The following COL25A1 variants were observed in gnomAD, a reference collection of about 807,000 sequenced individuals.
COL25A1 encodes collagen alpha-1(XXV) chain.
In COL25A1, 103 loss-of-function variants were observed where a neutral mutation model predicts 128.4. The ratio of observed to expected loss-of-function variants is 0.80; its 90% CI spans 0.68 to 0.94. The LOEUF is 0.94. COL25A1 is among the 40% of genes least tolerant of loss of function. The probability of loss-of-function intolerance (pLI) is 0.00; values close to 1 mark genes in which losing one functional copy is unlikely to be tolerated. For missense variants in COL25A1, 745 were observed against 840.0 expected (o/e 0.89, Z 1.40); for synonymous variants, 279 against 277.2 (o/e 1.01, Z -0.06).
chr4:108,995,568 T>A (rs1754685973), intron 6 of COL25A1, among the ~76,000 whole-genome samples: 1 of 152,034 alleles, frequency 6.6e-6, no homozygotes, highest in Admixed American at 6.6e-5. Flanking sequence ...CAGGAGAACC[T>A]CCCCAACCTA....
chr4:108,839,039 A>T (rs1734122313), intron 31 of COL25A1, among the ~76,000 whole-genome samples: 1 of 151,986 alleles, frequency 6.6e-6, no homozygotes, highest in Non-Finnish European at 1.5e-5. Flanking sequence ...ATGATTTCAG[A>T]CACAAATACC....
intron 3 of COL25A1, among the ~76,000 whole-genome samples, chr4:109,240,123 T>C (rs902345814): frequency 6.6e-6 from 1 of 152,100 alleles, no homozygotes; most frequent in Non-Finnish European, 1.5e-5. Context: ...TTTTTTTTAA[T>C]AAGTAGGGGA....
At chr4:109,013,715 T>C (rs1034951339) in intron 5 of COL25A1, among the ~76,000 whole-genome samples, 3 of 151,480 alleles carry the variant, frequency 2.0e-5, no homozygotes, top group Admixed American at 6.6e-5. Context: ...ACCGGGAAGG[T>C]CTGCAGCTTC....
At chr4:109,023,303 C>G (rs937021193) in intron 5 of COL25A1, among the ~76,000 whole-genome samples, 3 of 152,168 alleles carry the variant, frequency 2.0e-5, no homozygotes, top group African/African-American at 7.2e-5. Context: ...CTAAATCTGG[C>G]TGCATTCTAA....
intron 3 of COL25A1, among the ~76,000 whole-genome samples, chr4:109,088,729 G>A (rs558907384): frequency 4.8e-4 from 73 of 152,146 alleles, no homozygotes; most frequent in Non-Finnish European, 3.8e-4. Context: ...ATTTACATTC[G>A]AATAGAAGAC....
chr4:108,943,166 A>C (rs1051104337), intron 8 of COL25A1, among the ~76,000 whole-genome samples: 1 of 152,188 alleles, frequency 6.6e-6, no homozygotes, highest in Admixed American at 6.5e-5. Context: ...AGTTTGCTAC[A>C]CGAAGCATTT....
intron 3 of COL25A1, among the ~76,000 whole-genome samples, chr4:109,054,137 T>C (rs1229930462): frequency 1.3e-5 from 2 of 152,246 alleles, no homozygotes; most frequent in Non-Finnish European, 2.9e-5. Flanking sequence ...TATTTTCTTT[T>C]TAGTCCATTG....
chr4:109,046,730 C>T (rs1027800735), intron 5 of COL25A1, among the ~76,000 whole-genome samples: 5 of 152,194 alleles, frequency 3.3e-5, no homozygotes, highest in African/African-American at 7.2e-5. Context: ...TGGAGGCCAA[C>T]GTTTCCTCTG....
chr4:109,128,569 C>T (rs1235072120), intron 3 of COL25A1, among the ~76,000 whole-genome samples: 2 of 152,178 alleles, frequency 1.3e-5, no homozygotes, highest in Non-Finnish European at 2.9e-5. Flanking sequence ...CTCTTACCTG[C>T]AAGACATCAG....
intron 5 of COL25A1, among the ~76,000 whole-genome samples, chr4:109,026,861 A>G (rs1387114461): frequency 6.6e-6 from 1 of 152,210 alleles, no homozygotes; most frequent in East Asian, 1.9e-4. Context: ...AAGAATGCGG[A>G]GAAAGAACAC....
intron 8 of COL25A1, among the ~76,000 whole-genome samples, chr4:108,958,788 A>T (rs1361470770): frequency 1.3e-5 from 2 of 152,070 alleles, no homozygotes; most frequent in Non-Finnish European, 2.9e-5. Flanking sequence ...AGATAACATA[A>T]ATTCTGTTGG....
intron 3 of COL25A1, among the ~76,000 whole-genome samples, chr4:109,115,320 C>G (rs1224509328): frequency 6.6e-6 from 1 of 152,038 alleles, no homozygotes; most frequent in Non-Finnish European, 1.5e-5. Context: ...ATTAATGCAT[C>G]TTAAAGACTT....
intron 3 of COL25A1, among the ~76,000 whole-genome samples, chr4:109,052,335 G>A (rs1761073072): frequency 6.6e-6 from 1 of 152,124 alleles, no homozygotes; most frequent in Non-Finnish European, 1.5e-5. Flanking sequence ...CAAATGCTGT[G>A]GAAAATCTGC....
intron 13 of COL25A1, among the ~76,000 whole-genome samples, chr4:108,906,420 C>G (rs990348234): frequency 6.6e-6 from 1 of 152,156 alleles, no homozygotes; most frequent in African/African-American, 2.4e-5. Context: ...GAGTTCCCCC[C>G]ACTCCCCTAA....
At chr4:109,220,966 A>C (rs1209895951) in intron 3 of COL25A1, among the ~76,000 whole-genome samples, 3 of 152,132 alleles carry the variant, frequency 2.0e-5, no homozygotes, top group Admixed American at 2.0e-4. Context: ...ACCGAGACTG[A>C]ATAATGTGGA....
chr4:109,116,165 C>G (rs970458631), intron 3 of COL25A1, among the ~76,000 whole-genome samples: 1 of 152,008 alleles, frequency 6.6e-6, no homozygotes, highest in Admixed American at 6.6e-5. Flanking sequence ...AGTAATGGGG[C>G]CCCCACACTT....
intron 3 of COL25A1, among the ~76,000 whole-genome samples, chr4:109,079,255 G>C (rs970236722): frequency 1.3e-5 from 2 of 152,138 alleles, no homozygotes; most frequent in African/African-American, 2.4e-5. Context: ...TCAGTGTCCA[G>C]ACAGATTTCC....
chr4:109,193,625 A>C lies in COL25A1; in HGVS notation c.367+106958T>G, dbSNP rs72670394. Among the ~76,000 whole-genome samples the C allele has an allele frequency of 2.6e-3, 401 of 152,294 alleles. 2 individuals carry two copies. Among genetic ancestry groups the C allele is most frequent in the Middle Eastern group, 6.8e-3 (2 of 294 alleles). On this transcript the variant is annotated intron_variant, in intron 3 of 37. Transcript: ENST00000399132. ...AGCAAAATACAGAGGTGATTTCATC[A>C]CCACCTCTTCTTTTAGTTTGTTCTC... is the stretch of plus-strand genomic sequence containing the variant.
rs184046032 is a variant in COL25A1, at chr4:108,819,927, C to T, written c.1846-598G>A. 2.7e-6 allele frequency: 3 copies of T among 1,101,092 alleles called. No homozygotes were observed. The African/African-American group carries it at 4.9e-5, about 18-fold the overall frequency. The allele number at this position is 1,101,092 out of a possible 1,614,324, so 68.2% of individuals were successfully genotyped here. On this transcript the variant is annotated intron_variant, in intron 35 of 37. Coordinates refer to ENST00000399132, the MANE Select transcript of COL25A1 (RefSeq NM_198721.4). ...TGGATACAAGGGTTTAAATAAAAGA[C>T]AAATTTTATTTGGGGGAAAATAACG...
Sources: gnomAD v4.1 joint callset for allele counts (sites outside exome capture counted in the v4.1 genomes callset) on GRCh38, gnomAD v4.1.1 for gene constraint, MANE v1.5 for transcripts, NCBI Gene and HGNC (gene_info 2026-07-23, HGNC 2026-07-21) for gene names.